The following OTX2 variants were observed in gnomAD, a reference collection of about 807,000 sequenced individuals.
OTX2 encodes orthodenticle homeobox 2.
Under a neutral mutation model 29.0 loss-of-function variants are expected in OTX2, and 4 were observed. The ratio of observed to expected loss-of-function variants is 0.14; its 90% CI spans 0.07 to 0.32. The LOEUF (loss-of-function observed/expected upper bound fraction) is 0.32. Ranked by LOEUF, OTX2 falls within the 10% of genes least tolerant of loss-of-function variation. The probability of loss-of-function intolerance (pLI) is 1.00; values close to 1 mark genes in which losing one functional copy is unlikely to be tolerated. For synonymous variants in OTX2, 134 were observed against 141.0 expected (o/e 0.95, Z 0.35); for missense variants, 298 against 365.9 (o/e 0.81, Z 1.51).
In OTX2 at chr14:56,800,431, G is replaced by A. The variant is rs1891834704; in HGVS notation, c.*1304C>T. The stretch of plus-strand genomic sequence containing the variant: ...ATTCTAATAAAGTGCCTAAGAAATC[G>A]TTCAGGTTTGAAGTAGGGAGGGAAA... On this transcript the variant is annotated 3_prime_UTR_variant, in exon 5 of 5. Coordinates refer to ENST00000672264, the MANE Select transcript of OTX2 (RefSeq NM_021728.4). The A allele has an allele frequency of 1.3e-5, 2 of 152,040 alleles. No homozygotes were observed. Among genetic ancestry groups the A allele is most frequent in the Admixed American group, 6.6e-5 (1 of 15,266 alleles). 9.4% of individuals were successfully genotyped at this position (152,040 alleles called of 1,614,324 possible). A position where few individuals can be genotyped will look rare whatever the true frequency, so the allele number is the denominator to read the frequency against.
Position 56,805,321 on chromosome 14 carries a change from G to A in OTX2, c.97+39C>T, listed in dbSNP as rs376945757. On this transcript the variant is annotated intron_variant, in intron 3 of 4. Transcript: ENST00000672264. ...TGTTGCATCCCCGGAGGGTGGGCAT[G>A]GGGAAGAGGGGTGCGGGAGTGCAGC... 5.1e-6 allele frequency: 7 copies of A among 1,374,182 alleles called. No homozygotes were observed. The African/African-American group carries it at 1.0e-4, about 20-fold the overall frequency. 85.1% of individuals were successfully genotyped at this position (1,374,182 alleles called of 1,614,324 possible). A position where few individuals can be genotyped will look rare whatever the true frequency, so the allele number is the denominator to read the frequency against.
chr14:56,805,249 G>T (rs1391341663), intron 3 of OTX2, 111 bp downstream of exon 3: 4 of 744,854 alleles, frequency 5.4e-6, no homozygotes, highest in Non-Finnish European at 9.5e-6. Flanking sequence ...CCTGAAGCTG[G>T]GTGGGGACAG....
chr14:56,804,380 C>A lies in OTX2; in HGVS notation c.98-17G>T, dbSNP rs777478653. The A allele has an allele frequency of 4.4e-6, 7 of 1,608,922 alleles. No individual in the cohort carries two copies. The highest frequency in any genetic ancestry group is 2.5e-6 in the Non-Finnish European group (3 of 1,177,262). ...CCCAGGGCCCTTTAGGGTGGGGGAG[C>A]AGTTTCTCAGTCATAGGCGTTTCCG... On this transcript the variant is annotated splice_polypyrimidine_tract_variant and intron_variant, in intron 3 of 4. Coordinates refer to ENST00000672264, the MANE Select transcript of OTX2 (RefSeq NM_021728.4). The surrounding 1 kb of genome is among the most constrained non-coding windows in gnomAD (Gnocchi z 4.1).
Position 56,804,683 on chromosome 14 carries a change from A to T in OTX2, c.98-320T>A, listed in dbSNP as rs1171111440. On this transcript the variant is annotated intron_variant, in intron 3 of 4. Coordinates refer to ENST00000672264, the MANE Select transcript of OTX2 (RefSeq NM_021728.4). This position sits in a 1 kb window ranked among gnomAD's most constrained non-coding sequence, Gnocchi z 4.1. Reference sequence around the variant, plus strand: ...ACCACAACACAAAAAGGCTATTCCAAGAAGTCAAAGGATCTCCGAGGACAG... The same window carrying T: ...ACCACAACACAAAAAGGCTATTCCATGAAGTCAAAGGATCTCCGAGGACAG... 6.6e-6 allele frequency among the ~76,000 whole-genome samples: 1 copy of T among 152,200 alleles called. No homozygotes were observed.
At position 56,802,222 on chromosome 14, in the gene OTX2, C is replaced by T. The variant is rs1891915237; in HGVS notation, c.407G>A (p.Ser136Asn). Residue 136 changes from serine to asparagine, a missense_variant, in exon 5 of 5, where the codon AGT becomes AAT. By Grantham distance (46) the Ser-to-Asn change is conservative. Around this residue, in one of 3 missense-constraint regions of OTX2, gnomAD observed 219 missense variants for 223.5 expected, o/e 0.98. Coordinates refer to ENST00000672264, the MANE Select transcript of OTX2 (RefSeq NM_021728.4). This position sits in a 1 kb window ranked among gnomAD's most constrained non-coding sequence, Gnocchi z 4.4. ...GCTAGAGGGGGGAGTGAATTGGCCACTTGTTCCACTCTCTGAACTCACTTC... is the reference window on the plus strand; with the variant it reads ...GCTAGAGGGGGGAGTGAATTGGCCATTTGTTCCACTCTCTGAACTCACTTC... ...AREVSSESGT[S>N]GQFTPPSSTS... is the part of the protein sequence containing the mutation. 6.2e-7 allele frequency: 1 copy of T among 1,614,118 alleles called. No homozygotes were observed. The highest frequency in any genetic ancestry group is 8.5e-7 in the Non-Finnish European group (1 of 1,180,022).
At position 56,801,585 on chromosome 14, in the gene OTX2, C is replaced by T; in HGVS notation, c.*150G>A. 2 of 847,044 alleles carry T rather than the reference C, an allele frequency of 2.4e-6. No homozygotes were observed. The highest frequency in any genetic ancestry group is 3.9e-6 in the Non-Finnish European group (2 of 517,928). The allele number at this position is 847,044 out of a possible 1,614,324, so 52.5% of individuals were successfully genotyped here. ...CTGGTTTGTAGGCCCCTCTAAGGCC[C>T]TTCGTTTTTCCTTCTATGCCTCTCG... On this transcript the variant is annotated 3_prime_UTR_variant, in exon 5 of 5. Coordinates refer to ENST00000672264, the MANE Select transcript of OTX2 (RefSeq NM_021728.4). This position sits in a 1 kb window ranked among gnomAD's most constrained non-coding sequence, Gnocchi z 4.2.
chr14:56,806,950 G>C (rs189220324), intron 2 of OTX2, among the ~76,000 whole-genome samples: 1 of 151,952 alleles, frequency 6.6e-6, no homozygotes, highest in Non-Finnish European at 1.5e-5. Context: ...TCAAAATGGC[G>C]GATACAAGAT....
Position 56,801,500 on chromosome 14 carries a change from A to T in OTX2, c.*235T>A. On this transcript the variant is annotated 3_prime_UTR_variant, in exon 5 of 5. Transcript: ENST00000672264. The surrounding 1 kb of genome is among the most constrained non-coding windows in gnomAD (Gnocchi z 4.2). ...TTTTGATCACTTTGCAAATCAGGAT[A>T]ACCAATGATCTAAAACTATGACAGG... 1.7e-6 allele frequency: 1 copy of T among 574,920 alleles called. No individual in the cohort carries two copies. The highest frequency in any genetic ancestry group is 2.1e-5 in the South Asian group (1 of 48,082). The allele number at this position is 574,920 out of a possible 1,614,324, so 35.6% of individuals were successfully genotyped here.
Position 56,801,226 on chromosome 14 carries a change from T to C in OTX2, c.*509A>G, listed in dbSNP as rs754230866. 3.2e-5 allele frequency: 6 copies of C among 187,296 alleles called. No homozygotes were observed. The highest frequency in any genetic ancestry group is 4.5e-5 in the Non-Finnish European group (4 of 88,098). The allele number at this position is 187,296 out of a possible 1,614,324, so 11.6% of individuals were successfully genotyped here. ...TATGAACATTATTTTTTAAATAAAG[T>C]AGTGCATCTAGGACAATCAGTCACA... On this transcript the variant is annotated 3_prime_UTR_variant, in exon 5 of 5. Transcript: ENST00000672264. This position sits in a 1 kb window ranked among gnomAD's most constrained non-coding sequence, Gnocchi z 4.2.
At chr14:56,810,344 T>C (rs1374327940) in intron 1 of OTX2, 32 bp downstream of exon 1, 1 of 152,212 alleles carries the variant, frequency 6.6e-6, no homozygotes, top group Admixed American at 6.5e-5. Context: ...GCTAGAGTTC[T>C]AAACACGCGT....
Position 56,804,262 on chromosome 14 carries a change from T to C in OTX2, c.199A>G (p.Lys67Glu). The C allele has an allele frequency of 1.2e-6, 2 of 1,614,178 alleles. No homozygotes were observed. Among genetic ancestry groups the C allele is most frequent in the Non-Finnish European group, 1.7e-6 (2 of 1,180,032 alleles). Residue 67 changes from lysine (K) to glutamate (E), a missense_variant, in exon 4 of 5, where the codon AAG becomes GAG. Around this residue, in one of 3 missense-constraint regions of OTX2, gnomAD observed 29 missense variants for 84.7 expected, o/e 0.34. Coordinates refer to ENST00000672264, the MANE Select transcript of OTX2 (RefSeq NM_021728.4). This position sits in a 1 kb window ranked among gnomAD's most constrained non-coding sequence, Gnocchi z 4.1. Reference sequence around the variant, plus strand: ...ATGAAGATGTCTGGGTACCGGGTCTTGGCAAACAGTGCTTCCAGCACATCT... The same window carrying C: ...ATGAAGATGTCTGGGTACCGGGTCTCGGCAAACAGTGCTTCCAGCACATCT... The part of the protein sequence containing the change: ...QLDVLEALFA[K>E]TRYPDIFMRE...
chr14:56,809,665 C>T (rs1364096522), intron 2 of OTX2, among the ~76,000 whole-genome samples: 1 of 152,212 alleles, frequency 6.6e-6, no homozygotes, highest in Admixed American at 6.5e-5. Flanking sequence ...GCGCGCGGGC[C>T]CAAGGAGGCG....
chr14:56,807,028 A>C (rs1050060829), intron 2 of OTX2, among the ~76,000 whole-genome samples: 3 of 152,186 alleles, frequency 2.0e-5, no homozygotes, highest in African/African-American at 7.2e-5. Context: ...GCAAGGCACA[A>C]AAGTCCATAA....
At chr14:56,806,611 T>C (rs949458091) in intron 2 of OTX2, 8 of 152,240 alleles carry the variant, frequency 5.3e-5, no homozygotes, top group African/African-American at 1.9e-4. Context: ...CAGAGTTTCC[T>C]GTTAACTCTA....
In OTX2 at chr14:56,804,056, TG is replaced by T; in HGVS notation, c.273+131del. 1 of 1,078,778 alleles carries T rather than the reference TG, an allele frequency of 9.3e-7. No homozygotes were observed. The highest frequency in any genetic ancestry group is 1.4e-6 in the Non-Finnish European group (1 of 717,124). The allele number at this position is 1,078,778 out of a possible 1,614,324, so 66.8% of individuals were successfully genotyped here. A position where few individuals can be genotyped will look rare whatever the true frequency, so the allele number is the denominator to read the frequency against. On this transcript the variant is annotated intron_variant, in intron 4 of 4. Coordinates refer to ENST00000672264, the MANE Select transcript of OTX2 (RefSeq NM_021728.4). This position sits in a 1 kb window ranked among gnomAD's most constrained non-coding sequence, Gnocchi z 4.1. ...AAAGGGCAGAAGGAGAATAGTTTCC[TG>T]GCCCCTTAGTGAGTGAAGGAGAATT... is the stretch of plus-strand genomic sequence containing the variant.
chr14:56,801,021 C>T lies in OTX2; in HGVS notation c.*714G>A, dbSNP rs1211938034. On this transcript the variant is annotated 3_prime_UTR_variant, in exon 5 of 5. Coordinates refer to ENST00000672264, the MANE Select transcript of OTX2 (RefSeq NM_021728.4). This position sits in a 1 kb window ranked among gnomAD's most constrained non-coding sequence, Gnocchi z 4.2. ...CTTTTTAGATCAGTACTCAGTTGCT[C>T]TGAATTTTGCTTATAATTATAACCT... 6.5e-6 allele frequency: 1 copy of T among 153,602 alleles called. No individual in the cohort carries two copies. The highest frequency in any genetic ancestry group is 1.5e-5 in the Non-Finnish European group (1 of 68,892). 9.5% of individuals were successfully genotyped at this position (153,602 alleles called of 1,614,324 possible).
At chr14:56,806,221 T>C (rs1220944391) in intron 2 of OTX2, among the ~76,000 whole-genome samples, 1 of 152,222 alleles carries the variant, frequency 6.6e-6, no homozygotes, top group Non-Finnish European at 1.5e-5. Context: ...TCAACCACTA[T>C]TATTCCACAT....
intron 2 of OTX2, among the ~76,000 whole-genome samples, chr14:56,807,941 G>T (rs971763487): frequency 6.6e-6 from 1 of 151,992 alleles, no homozygotes; most frequent in African/African-American, 2.4e-5. Context: ...ACCTCCGGGC[G>T]CGAGTGCCTG....
intron 4 of OTX2, among the ~76,000 whole-genome samples, chr14:56,803,784 T>TA: frequency 6.6e-6 from 1 of 152,324 alleles, no homozygotes; most frequent in Admixed American, 6.5e-5. Flanking sequence ...CAAACTTAGT[T>TA]ATGACCTTGA....
Sources: gnomAD v4.1 joint callset for allele counts (sites outside exome capture counted in the v4.1 genomes callset) on GRCh38, gnomAD v4.1.1 for gene constraint, gnomAD v4.1.1 regional missense constraint, Gnocchi (gnomAD v3.1) non-coding constraint, MANE v1.5 for transcripts, NCBI Gene and HGNC (gene_info 2026-07-23, HGNC 2026-07-21) for gene names.